The following DGKI variants were observed in gnomAD, a reference collection of about 807,000 sequenced individuals.
The protein encoded by DGKI is diacylglycerol kinase iota, also known as DAG kinase iota.
Under a neutral mutation model 147.5 loss-of-function variants are expected in DGKI, and 55 were observed. The observed-to-expected ratio is 0.37, with a 90% CI of 0.30 to 0.47. DGKI has a LOEUF of 0.47. Ranked by LOEUF, DGKI falls within the 20% of genes least tolerant of loss-of-function variation. The probability of loss-of-function intolerance (pLI) is 1.00; values close to 1 mark genes in which losing one functional copy is unlikely to be tolerated. For missense variants in DGKI, 1,007 were observed against 1,323.8 expected, an observed-to-expected ratio of 0.76 and a Z score of 3.71; for synonymous variants, 469 against 477.1, an observed-to-expected ratio of 0.98 and a Z score of 0.22.
chr7:137,782,018 G>A (rs1436471112), intron 1 of DGKI, among the ~76,000 whole-genome samples: 6 of 152,228 alleles, frequency 3.9e-5, no homozygotes, highest in Non-Finnish European at 8.8e-5. Flanking sequence ...AGAGCAGCAT[G>A]TGGAGACTCA....
At chr7:137,439,363 T>C (rs929895508) in intron 28 of DGKI, among the ~76,000 whole-genome samples, 4 of 152,182 alleles carry the variant, frequency 2.6e-5, no homozygotes, top group Admixed American at 6.5e-5. Context: ...AGAGGTTTAA[T>C]GGACTCACAG....
chr7:137,516,409 G>T lies in DGKI; in HGVS notation c.2248+5457C>A, dbSNP rs1471346938. ...GAAGAAGACAAATGCATCGCCCAAG[G>T]TCACACACTTAATTAGTGGTTAGAC... On this transcript the variant is annotated intron_variant, in intron 21 of 32. Transcript: ENST00000614521. Among the ~76,000 whole-genome samples the T allele has an allele frequency of 4.6e-5, 7 of 151,962 alleles. No individual in the cohort carries two copies. The South Asian group carries it at 6.2e-4, about 13-fold the overall frequency.
chr7:137,678,349 A>G (rs1823108713), intron 3 of DGKI, among the ~76,000 whole-genome samples: 1 of 152,236 alleles, frequency 6.6e-6, no homozygotes, highest in South Asian at 2.1e-4. Flanking sequence ...CCTGGCCTGC[A>G]TAAGTGAACC....
intron 17 of DGKI, among the ~76,000 whole-genome samples, chr7:137,576,382 T>C (rs938394517): frequency 3.9e-5 from 6 of 152,174 alleles, no homozygotes; most frequent in Non-Finnish European, 8.8e-5. Flanking sequence ...AATTCAAGCA[T>C]TGATAAATTC....
At position 137,585,289 on chromosome 7, in the gene DGKI, C is replaced by T. The variant is rs1441076823; in HGVS notation, c.1483G>A (p.Val495Ile). 3.1e-6 allele frequency: 5 copies of T among 1,614,142 alleles called. No homozygotes were observed. Among genetic ancestry groups the T allele is most frequent in the Non-Finnish European group, 4.2e-6 (5 of 1,180,022 alleles). ...TGGAGGTTCCAGCGATCTAGCTGTACAACTGTCCCATCTTCCACTTGACAC... is the reference window on the plus strand; with the variant it reads ...TGGAGGTTCCAGCGATCTAGCTGTATAACTGTCCCATCTTCCACTTGACAC... ...ILCQVEDGTV[V>I]QLDRWNLHVE... is the part of the protein sequence containing the mutation. The change falls in exon 14 of 33, where the codon GTA (valine) becomes ATA (isoleucine). Residue 495 changes from valine (V) to isoleucine (I), a missense_variant. This residue lies in a region of DGKI where 224 missense variants were observed against 382.7 expected (regional missense o/e 0.59). Coordinates refer to ENST00000614521, the MANE Select transcript of DGKI (RefSeq NM_001321708.2).
At chr7:137,449,239 T>C (rs1205556054) in intron 27 of DGKI, among the ~76,000 whole-genome samples, 4 of 151,966 alleles carry the variant, frequency 2.6e-5, no homozygotes, top group South Asian at 2.1e-4. Flanking sequence ...CTCAAAATAT[T>C]TGACAAAGCT....
chr7:137,733,292 C>G (rs1585422176), intron 1 of DGKI, among the ~76,000 whole-genome samples: 1 of 152,002 alleles, frequency 6.6e-6, no homozygotes, highest in South Asian at 2.1e-4. Context: ...CTTTCTGTCT[C>G]TATGTATTTG....
intron 6 of DGKI, among the ~76,000 whole-genome samples, chr7:137,626,757 G>A (rs1820958680): frequency 6.6e-6 from 1 of 152,042 alleles, no homozygotes; most frequent in Non-Finnish European, 1.5e-5. Flanking sequence ...CTCTGCTGAG[G>A]GTCACCTCCC....
At chr7:137,745,701 G>A (rs2116728190) in intron 1 of DGKI, among the ~76,000 whole-genome samples, 1 of 152,156 alleles carries the variant, frequency 6.6e-6, no homozygotes, top group Non-Finnish European at 1.5e-5. Flanking sequence ...AGTGATGGTG[G>A]CAACTCAGAT....
chr7:137,458,342 T>C (rs1319393104), intron 27 of DGKI, among the ~76,000 whole-genome samples: 1 of 152,226 alleles, frequency 6.6e-6, no homozygotes, highest in Non-Finnish European at 1.5e-5. Context: ...CTGGATTGAA[T>C]ATCTACCCTC....
At chr7:137,392,196 C>T (rs185498847) in intron 32 of DGKI, among the ~76,000 whole-genome samples, 1 of 152,120 alleles carries the variant, frequency 6.6e-6, no homozygotes, top group Admixed American at 6.5e-5. Context: ...TACTATAATG[C>T]CTTTTGTACA....
At chr7:137,563,986 A>G (rs946750419) in intron 19 of DGKI, among the ~76,000 whole-genome samples, 6 of 152,146 alleles carry the variant, frequency 3.9e-5, no homozygotes, top group Admixed American at 3.9e-4. Context: ...ACACTGTTAG[A>G]ACAATAAAGT....
chr7:137,563,274 C>G (rs1818477293), intron 19 of DGKI, among the ~76,000 whole-genome samples: 1 of 149,750 alleles, frequency 6.7e-6, no homozygotes, highest in Non-Finnish European at 1.5e-5. Flanking sequence ...ATAAAGGACA[C>G]TAATAAAAAA....
chr7:137,548,979 TATAA>T (rs1329603144), intron 20 of DGKI, among the ~76,000 whole-genome samples: 1 of 151,928 alleles, frequency 6.6e-6, no homozygotes, highest in Non-Finnish European at 1.5e-5. Context: ...AACAAATAAA[TATAA>T]ATAAATAAAT....
chr7:137,453,438 T>G (rs2128921588), intron 27 of DGKI, among the ~76,000 whole-genome samples: 1 of 152,258 alleles, frequency 6.6e-6, no homozygotes, highest in South Asian at 2.1e-4. Flanking sequence ...GCACTGCAAA[T>G]CTCCATCGAC....
intron 1 of DGKI, among the ~76,000 whole-genome samples, chr7:137,810,035 ATAT>A (rs1797514279): frequency 2.0e-5 from 3 of 152,252 alleles, no homozygotes; most frequent in Admixed American, 6.5e-5. Flanking sequence ...AGAGCCTCAT[ATAT>A]TTCTGTTTGC....
chr7:137,758,868 T>C (rs1795768667), intron 1 of DGKI, among the ~76,000 whole-genome samples: 1 of 152,068 alleles, frequency 6.6e-6, no homozygotes, highest in South Asian at 2.1e-4. Flanking sequence ...AATCATACCA[T>C]TTTTTTACTT....
intron 23 of DGKI, among the ~76,000 whole-genome samples, chr7:137,477,623 C>T (rs1015792334): frequency 5.3e-5 from 8 of 152,110 alleles, no homozygotes; most frequent in African/African-American, 1.9e-4. Flanking sequence ...ATAGTGTGCA[C>T]ATGCAAATTG....
Position 137,681,102 on chromosome 7 carries a change from C to A in DGKI, c.511-2450G>T, listed in dbSNP as rs189794976. Among the ~76,000 whole-genome samples the A allele has an allele frequency of 8.5e-5, 13 of 152,264 alleles. 1 individual carries two copies. In the East Asian group the frequency reaches 1.7e-3, roughly 20 times the overall value. ...GGCTTCAGGACAACGCACAGGGAGA[C>A]CCTGGTGGTAGGAGTGCACCATCCA... is the stretch of plus-strand genomic sequence containing the variant. On this transcript the variant is annotated intron_variant, in intron 2 of 32. Transcript: ENST00000614521.
Sources: gnomAD v4.1 joint callset for allele counts (sites outside exome capture counted in the v4.1 genomes callset) on GRCh38, gnomAD v4.1.1 for gene constraint, gnomAD v4.1.1 regional missense constraint, MANE v1.5 for transcripts, NCBI Gene and HGNC (gene_info 2026-07-23, HGNC 2026-07-21) for gene names.